The following FOXJ3 variants were observed in gnomAD, a reference collection of about 807,000 sequenced individuals.
FOXJ3 encodes the protein forkhead box protein J3.
Under a neutral mutation model 76.1 loss-of-function variants are expected in FOXJ3, and 22 were observed. That is an observed-to-expected ratio of 0.29 (90% CI 0.21 to 0.41). FOXJ3 has a LOEUF of 0.41. Ranked by LOEUF, FOXJ3 falls within the 10% of genes least tolerant of loss-of-function variation. The pLI, the probability that FOXJ3 is intolerant of heterozygous loss-of-function variation, is 1.00. For missense variants in FOXJ3, 613 were observed against 762.1 expected (o/e 0.80, Z 2.30); for synonymous variants, 269 against 261.2 (o/e 1.03, Z -0.29).
intron 12 of FOXJ3, among the ~76,000 whole-genome samples, 196 bp from the exon 13 acceptor site, chr1:42,180,021 C>T (rs916356037): frequency 6.6e-6 from 1 of 151,990 alleles, no homozygotes; most frequent in African/African-American, 2.4e-5. Flanking sequence ...AGTAAATTAC[C>T]CAAAGTCACA....
At chr1:42,249,010 T>G (rs1291811086) in intron 4 of FOXJ3, among the ~76,000 whole-genome samples, 1 of 152,122 alleles carries the variant, frequency 6.6e-6, no homozygotes, top group Non-Finnish European at 1.5e-5. Context: ...GTGTTTGGTT[T>G]TCTGTTCCTC....
At chr1:42,272,144 C>T (rs1228805779) in intron 3 of FOXJ3, among the ~76,000 whole-genome samples, 1 of 152,206 alleles carries the variant, frequency 6.6e-6, no homozygotes, top group Non-Finnish European at 1.5e-5. Flanking sequence ...TGCATCAGTT[C>T]ACTCTGCATT....
chr1:42,211,378 T>C (rs1646962954), intron 5 of FOXJ3, among the ~76,000 whole-genome samples: 2 of 152,112 alleles, frequency 1.3e-5, no homozygotes, highest in Non-Finnish European at 2.9e-5. Context: ...TCTGAATAGC[T>C]GGAACATCTG....
At chr1:42,225,740 A>T (rs1475479914) in intron 5 of FOXJ3, among the ~76,000 whole-genome samples, 1 of 152,230 alleles carries the variant, frequency 6.6e-6, no homozygotes, top group Non-Finnish European at 1.5e-5. Flanking sequence ...AGCAGTAGAA[A>T]ATGAATACAG....
At chr1:42,193,788 G>A (rs1646596923) in intron 8 of FOXJ3, among the ~76,000 whole-genome samples, 1 of 152,164 alleles carries the variant, frequency 6.6e-6, no homozygotes, top group Non-Finnish European at 1.5e-5. Flanking sequence ...CAGTTTGAAT[G>A]TATGTGTCCC....
At chr1:42,242,505 T>C (rs1408857048) in intron 4 of FOXJ3, among the ~76,000 whole-genome samples, 1 of 147,418 alleles carries the variant, frequency 6.8e-6, no homozygotes, top group Admixed American at 6.8e-5. Context: ...ATAGACTAGA[T>C]CAAGCAGAAA....
chr1:42,329,900 A>G (rs1212977062), intron 1 of FOXJ3, among the ~76,000 whole-genome samples: 10 of 152,224 alleles, frequency 6.6e-5, no homozygotes, highest in Non-Finnish European at 1.5e-4. Flanking sequence ...GTAACACAGT[A>G]AACAGAACAG....
At chr1:42,286,584 T>C (rs1459121130) in intron 2 of FOXJ3, among the ~76,000 whole-genome samples, 1 of 152,260 alleles carries the variant, frequency 6.6e-6, no homozygotes, top group African/African-American at 2.4e-5. Flanking sequence ...ACTGCTCATA[T>C]TGTTATCAAG....
At chr1:42,277,582 G>A in intron 3 of FOXJ3, among the ~76,000 whole-genome samples, 1 of 30,254 alleles carries the variant, frequency 3.3e-5, no homozygotes, top group South Asian at 8.5e-4. Flanking sequence ...CGGATCACGA[G>A]GTCAGGAGAT....
intron 11 of FOXJ3, among the ~76,000 whole-genome samples, chr1:42,186,254 A>G (rs1646433127): frequency 6.6e-6 from 1 of 152,124 alleles, no homozygotes. Context: ...AAAAATCTGA[A>G]TATTTGTGAA....
chr1:42,215,589 A>G (rs1348329125), intron 5 of FOXJ3, among the ~76,000 whole-genome samples: 1 of 152,212 alleles, frequency 6.6e-6, no homozygotes, highest in East Asian at 1.9e-4. Context: ...AGTAAAAGAC[A>G]AATTTAACAA....
At chr1:42,249,300 C>T (rs531533068) in intron 4 of FOXJ3, among the ~76,000 whole-genome samples, 1 of 152,198 alleles carries the variant, frequency 6.6e-6, no homozygotes, top group South Asian at 2.1e-4. Context: ...GTATAAGGCT[C>T]CTGATTTCTA....
At chr1:42,269,143 T>G (rs1307169905) in intron 3 of FOXJ3, among the ~76,000 whole-genome samples, 3 of 151,936 alleles carry the variant, frequency 2.0e-5, no homozygotes, top group African/African-American at 7.3e-5. Context: ...AACCCTAGAG[T>G]AATCACTAAA....
intron 1 of FOXJ3, among the ~76,000 whole-genome samples, chr1:42,334,420 G>C (rs530232767): frequency 1.3e-4 from 20 of 150,924 alleles, no homozygotes; most frequent in Admixed American, 3.9e-4. Flanking sequence ...GGAGCTGGGA[G>C]GGGGGGCGGG....
chr1:42,188,589 A>G (rs1276254314), intron 11 of FOXJ3, 148 bp downstream of exon 11: 4 of 461,858 alleles, frequency 8.7e-6, no homozygotes, highest in African/African-American at 6.0e-5. Flanking sequence ...CTACATATAA[A>G]TTATTTGCTT....
intron 4 of FOXJ3, among the ~76,000 whole-genome samples, chr1:42,252,737 C>G (rs1650203372): frequency 6.6e-6 from 1 of 151,878 alleles, no homozygotes; most frequent in Non-Finnish European, 1.5e-5. Flanking sequence ...AATTTTGGAT[C>G]TTTCCTGCTT....
At chr1:42,281,512 T>C (rs1296399143) in intron 2 of FOXJ3, among the ~76,000 whole-genome samples, 1 of 152,228 alleles carries the variant, frequency 6.6e-6, no homozygotes, top group African/African-American at 2.4e-5. Flanking sequence ...TATTCCACTG[T>C]GCTTATATTC....
At chr1:42,234,553 G>A (rs1227840715) in intron 4 of FOXJ3, among the ~76,000 whole-genome samples, 1 of 152,154 alleles carries the variant, frequency 6.6e-6, no homozygotes, top group African/African-American at 2.4e-5. Context: ...GGTCTTTGAT[G>A]ATGGTGACGT....
At chr1:42,270,527 AC>A (rs1026750534) in intron 3 of FOXJ3, among the ~76,000 whole-genome samples, 52 of 152,252 alleles carry the variant, frequency 3.4e-4, no homozygotes, top group African/African-American at 1.2e-3. Flanking sequence ...TACACATAAA[AC>A]CCACAAAGAA....
Sources: allele counts gnomAD v4.1 joint callset (sites outside exome capture counted in the v4.1 genomes callset), GRCh38; gene constraint gnomAD v4.1.1; transcripts MANE v1.5; gene names NCBI Gene and HGNC (gene_info 2026-07-23, HGNC 2026-07-21).